The following SYNPR variants were observed in gnomAD, a reference collection of about 807,000 sequenced individuals.
SYNPR encodes synaptoporin.
Under a neutral mutation model 32.9 loss-of-function variants are expected in SYNPR, and 23 were observed. That is an observed-to-expected ratio of 0.70 (90% confidence interval 0.50 to 0.99). SYNPR has a LOEUF of 0.99. SYNPR is among the 50% of genes least tolerant of loss of function. SYNPR has a pLI of 0.00. For synonymous variants in SYNPR, 146 were observed against 135.9 expected (o/e 1.07, Z -0.52); for missense variants, 318 against 349.3 (o/e 0.91, Z 0.71).
intron 2 of SYNPR, among the ~76,000 whole-genome samples, chr3:63,289,986 C>A (rs574030194): frequency 6.6e-6 from 1 of 151,722 alleles, no homozygotes; most frequent in Admixed American, 6.6e-5. Context: ...AAAAATTAGC[C>A]GGGCGTGGTG....
At chr3:63,350,257 T>C (rs2087489824) in intron 2 of SYNPR, among the ~76,000 whole-genome samples, 1 of 151,538 alleles carries the variant, frequency 6.6e-6, no homozygotes, top group Admixed American at 6.6e-5. Context: ...AACACAATTA[T>C]TAACTCTATA....
At chr3:63,516,626 C>T (rs142860048) in intron 3 of SYNPR, among the ~76,000 whole-genome samples, 130 of 152,086 alleles carry the variant, frequency 8.5e-4, no homozygotes, top group African/African-American at 3.0e-3. Context: ...ATCAAGTAGC[C>T]GAGGCATAGG....
intron 2 of SYNPR, among the ~76,000 whole-genome samples, chr3:63,347,320 TGATA>T (rs1357487125): frequency 6.6e-6 from 1 of 152,222 alleles, no homozygotes; most frequent in Non-Finnish European, 1.5e-5. Flanking sequence ...TGGTTGCTAT[TGATA>T]AATTCTAGAA....
At chr3:63,583,501 C>T (rs1265771779) in intron 4 of SYNPR, among the ~76,000 whole-genome samples, 4 of 152,068 alleles carry the variant, frequency 2.6e-5, no homozygotes, top group Non-Finnish European at 5.9e-5. Context: ...TGACCAGGGA[C>T]TGTGTGGACA....
At chr3:63,304,931 C>G (rs1241377202) in intron 2 of SYNPR, among the ~76,000 whole-genome samples, 3 of 151,942 alleles carry the variant, frequency 2.0e-5, no homozygotes, top group Non-Finnish European at 2.9e-5. Context: ...TCCTAGCTTG[C>G]CATATTACTT....
chr3:63,237,075 T>A (rs1305589474), intron 1 of SYNPR, among the ~76,000 whole-genome samples: 6 of 152,154 alleles, frequency 3.9e-5, no homozygotes, highest in Non-Finnish European at 8.8e-5. Context: ...TGGGTTAGGT[T>A]TTTGGGGTTT....
intron 2 of SYNPR, among the ~76,000 whole-genome samples, chr3:63,324,693 G>T (rs984153448): frequency 6.6e-6 from 1 of 152,066 alleles, no homozygotes; most frequent in African/African-American, 2.4e-5. Flanking sequence ...TTTGAAATCT[G>T]GATCTCCTAC....
At chr3:63,265,284 A>G (rs1418135517) in intron 2 of SYNPR, among the ~76,000 whole-genome samples, 1 of 126,878 alleles carries the variant, frequency 7.9e-6, no homozygotes, top group African/African-American at 3.0e-5. Context: ...TGGAGTCTCA[A>G]TCTGTGGCCC....
rs1253015856 is a variant in SYNPR at position 63,569,400 on chromosome 3, A to G, written c.408+12659A>G. Among the ~76,000 whole-genome samples the G allele has an allele frequency of 2.0e-5, 3 of 152,308 alleles. No homozygotes were observed. The East Asian group carries it at 5.8e-4, about 29-fold the overall frequency. ...AAATTTTGAATTCCAACTTTTGACT[A>G]CACCCCAGGCCCTGAAATCTTATGC... On this transcript the variant is annotated intron_variant, in intron 4 of 5. Coordinates refer to ENST00000478300, the MANE Select transcript of SYNPR (RefSeq NM_001130003.2).
intron 2 of SYNPR, among the ~76,000 whole-genome samples, chr3:63,367,925 C>T (rs1368257039): frequency 1.3e-5 from 2 of 152,044 alleles, no homozygotes; most frequent in Non-Finnish European, 2.9e-5. Context: ...GTTAGTATTG[C>T]CGTGATATTC....
intron 3 of SYNPR, among the ~76,000 whole-genome samples, chr3:63,517,072 A>G (rs1031901238): frequency 6.6e-6 from 1 of 152,176 alleles, no homozygotes; most frequent in East Asian, 1.9e-4. Flanking sequence ...ATCTATATCC[A>G]TGTGATATTG....
chr3:63,293,167 G>C (rs1288981474), intron 2 of SYNPR, among the ~76,000 whole-genome samples: 1 of 152,170 alleles, frequency 6.6e-6, no homozygotes, highest in African/African-American at 2.4e-5. Context: ...CTTTCATTCA[G>C]ATCTTGTAAT....
chr3:63,572,163 A>T (rs1702898740), intron 4 of SYNPR, among the ~76,000 whole-genome samples: 1 of 152,144 alleles, frequency 6.6e-6, no homozygotes, highest in Non-Finnish European at 1.5e-5. Flanking sequence ...TGGCACTTTC[A>T]GTTGTGATTT....
At chr3:63,204,386 G>A in the SYNPR span, among the ~76,000 whole-genome samples, 108 of 152,188 alleles carry the variant, frequency 7.1e-4, no homozygotes, top group African/African-American at 2.0e-3. Flanking sequence ...TATTTCCTCT[G>A]TGTGTCTCTA....
chr3:63,524,084 A>G (rs1231682839), intron 3 of SYNPR, among the ~76,000 whole-genome samples: 1 of 61,786 alleles, frequency 1.6e-5, no homozygotes, highest in African/African-American at 6.0e-5. Flanking sequence ...TCATTTCTGT[A>G]AAAAAAAAAA....
chr3:63,461,371 C>A (rs1216832536), intron 2 of SYNPR, among the ~76,000 whole-genome samples: 1 of 152,162 alleles, frequency 6.6e-6, no homozygotes, highest in Non-Finnish European at 1.5e-5. Context: ...TCTACCAGTT[C>A]TTTCCAGGAA....
At chr3:63,270,534 A>G (rs1307197297) in intron 3 of SYNPR, among the ~76,000 whole-genome samples, 2 of 152,182 alleles carry the variant, frequency 1.3e-5, no homozygotes, top group Non-Finnish European at 2.9e-5. Flanking sequence ...AGCCTCATCA[A>G]TATCTTCAGA....
intron 2 of SYNPR, among the ~76,000 whole-genome samples, chr3:63,311,375 A>G (rs2086961856): frequency 1.3e-5 from 2 of 151,998 alleles, no homozygotes; most frequent in Admixed American, 6.6e-5. Flanking sequence ...TATCTATAAA[A>G]GTAGATAATG....
At chr3:63,351,565 C>T (rs2087510475) in intron 2 of SYNPR, 1 of 152,114 alleles carries the variant, frequency 6.6e-6, no homozygotes. Flanking sequence ...AATTTGGGAG[C>T]AGTGGGTGAT....
Sources: allele counts gnomAD v4.1 joint callset (sites outside exome capture counted in the v4.1 genomes callset), GRCh38; gene constraint gnomAD v4.1.1; transcripts MANE v1.5; gene names NCBI Gene and HGNC (gene_info 2026-07-23, HGNC 2026-07-21).